The following TCEAL4 variants were observed in gnomAD, a reference collection of about 807,000 sequenced individuals.
The protein encoded by TCEAL4 is transcription elongation factor A like 4, also known as transcription elongation factor A protein-like 4.
Under a neutral mutation model 1.3 loss-of-function variants are expected in TCEAL4, and 1 was observed. The ratio of observed to expected loss-of-function variants is 0.79; its 90% CI spans 0.28 to 3.76. TCEAL4 has a LOEUF of 3.76. Ranked by LOEUF, TCEAL4 falls within the 30% of genes most tolerant of loss-of-function variation. The pLI, the probability that TCEAL4 is intolerant of heterozygous loss-of-function variation, is 0.18. For missense variants in TCEAL4, 129 were observed against 154.7 expected (o/e 0.83, Z 0.88); for synonymous variants, 54 against 50.7 (o/e 1.06, Z -0.28).
chrX:103,585,971 GAA>G, intron 1 of TCEAL4: 1 of 1,077,553 alleles, frequency 9.3e-7, no homozygotes, highest in Non-Finnish European at 1.2e-6. Context: ...CGTGCGTAGA[GAA>G]AAACGTTGAC....
At chrX:103,586,464 T>C in intron 2 of TCEAL4, 173 bp downstream of exon 2, 1 of 826,226 alleles carries the variant, frequency 1.2e-6, no homozygotes, top group South Asian at 2.7e-5. Flanking sequence ...AATGGCTGGC[T>C]CACGTGTGTG....
At chrX:103,576,433 GTTC>G in exon 1 of TCEAL4, 2 of 1,165,697 alleles carry the variant, frequency 1.7e-6, no homozygotes, top group Non-Finnish European at 2.3e-6. Context: ...CAGCTGCTAG[GTTC>G]TTATTTTGGG....
chrX:103,576,699 G>T lies in TCEAL4; in HGVS notation c.63+167G>T, dbSNP rs776192853. On this transcript the variant is annotated intron_variant, in intron 1 of 4. Coordinates refer to the TCEAL4 transcript ENST00000372629. The stretch of plus-strand genomic sequence containing the variant: ...GAATCGTTTGAACCCAGGAGGTGGA[G>T]GTTGCAGTGAGCTGATATTGCACCA... Among the ~76,000 whole-genome samples the T allele has an allele frequency of 2.7e-5, 3 of 112,424 alleles. No individual in the cohort carries two copies. In the South Asian group the frequency reaches 1.1e-3, roughly 41 times the overall value.
At chrX:103,583,452 G>T (rs987640605), upstream of TCEAL4, among the ~76,000 whole-genome samples, 17 of 112,065 alleles carry the variant, frequency 1.5e-4, no homozygotes, top group Non-Finnish European at 2.8e-4. Context: ...GCAAAGATAT[G>T]GAATCAACTG....
At chrX:103,576,661 G>A (rs888439375) in intron 1 of TCEAL4, 1 of 444,613 alleles carries the variant, frequency 2.2e-6, no homozygotes. Context: ...CTACTCAGGA[G>A]GCTGAAGCAG....
At chrX:103,585,688 G>A (rs564312706) in intron 1 of TCEAL4, 64 bp downstream of exon 1, 1 of 1,165,234 alleles carries the variant, frequency 8.6e-7, no homozygotes, top group South Asian at 1.9e-5. Context: ...GAACGGGTAC[G>A]GCAGGGGGAA....
At chrX:103,585,217 T>G (rs1263625178), upstream of TCEAL4, among the ~76,000 whole-genome samples, 1 of 111,738 alleles carries the variant, frequency 8.9e-6, no homozygotes, top group Non-Finnish European at 1.9e-5. Flanking sequence ...CTATTCTTTA[T>G]ACAGTACTTA....
intron 1 of TCEAL4, chrX:103,585,961 C>A (rs1240316259): frequency 9.3e-7 from 1 of 1,074,521 alleles, no homozygotes; most frequent in East Asian, 3.4e-5. Context: ...CTGCCGTTCC[C>A]GTGCGTAGAG....
intron 1 of TCEAL4, 33 bp from the exon 2 acceptor site, chrX:103,586,186 C>G (rs755231700): frequency 1.7e-6 from 2 of 1,162,923 alleles, no homozygotes; most frequent in East Asian, 3.3e-5. Context: ...GCTGAGCGCG[C>G]AGACCCTGCC....
At position 103,579,640 on chromosome X, in the gene TCEAL4, A is replaced by T. The variant is rs221945; in HGVS notation, c.183+2427A>T. Among the ~76,000 whole-genome samples the T allele has an allele frequency of 4.9e-3, 544 of 111,570 alleles. 5 individuals carry two copies. Among genetic ancestry groups the T allele is most frequent in the African/African-American group, 0.017 (518 of 30,785 alleles). On this transcript the variant is annotated intron_variant, in intron 2 of 4. Coordinates refer to the TCEAL4 transcript ENST00000372629. ...ATCATATATTCAGCCACATTGCTGAACTCATTTGTTAGTTCCTACAGTTCT... is the reference window on the plus strand; with the variant it reads ...ATCATATATTCAGCCACATTGCTGATCTCATTTGTTAGTTCCTACAGTTCT...
chrX:103,584,348 T>G (rs1043983308), upstream of TCEAL4, among the ~76,000 whole-genome samples: 1 of 112,039 alleles, frequency 8.9e-6, no homozygotes, highest in African/African-American at 3.2e-5. Flanking sequence ...GTTAAAAATT[T>G]TCATGTAATC....
chrX:103,585,839 T>A (rs2073538960), intron 1 of TCEAL4: 3 of 1,047,777 alleles, frequency 2.9e-6, no homozygotes, highest in Non-Finnish European at 3.8e-6. Context: ...CACCCCCAAG[T>A]ATCCATGCTC....
chrX:103,576,424 A>G (rs1319301887), exon 1 of TCEAL4: 8 of 1,165,454 alleles, frequency 6.9e-6, no homozygotes, highest in Non-Finnish European at 9.2e-6. Context: ...AGAAGAGTTC[A>G]GCTGCTAGGT....
Position 103,586,976 on chromosome X carries a change from G to C in TCEAL4, c.301G>C (p.Glu101Gln), listed in dbSNP as rs200167143. 3 of 1,208,895 alleles carry C rather than the reference G, an allele frequency of 2.5e-6. No homozygotes were observed. In the East Asian group the frequency reaches 8.9e-5, roughly 36 times the overall value. ...EGKPEIEGKP[E>Q]SEGEPGSETR... ...AAAACCAGAGATAGAGGGAAAGCCA[G>C]AGAGTGAAGGAGAGCCAGGGAGTGA... The change falls in exon 3 of 3, where the codon GAG becomes CAG. Residue 101 changes from glutamate to glutamine, a missense_variant. Transcript: ENST00000472484.
rs761059818 is a variant in TCEAL4 at position 103,587,202 on chromosome X, T to TG, written c.532dup (p.Ala178GlyfsTer16). On this transcript the variant is annotated frameshift_variant, in exon 3 of 3. Coordinates refer to ENST00000472484, the MANE Select transcript of TCEAL4 (RefSeq NM_001006935.3). LOFTEE classifies it low-confidence loss of function (END_TRUNC). ...GAGAAGAGAAAAAGCAAACAGAAAT[T>TG]GGGGGCGTTTTTGTGGATGCAAAGA... 1 of 1,210,611 alleles carries TG rather than the reference T, an allele frequency of 8.3e-7. No individual in the cohort carries two copies.
At chrX:103,578,203 C>G (rs2073492733) in intron 2 of TCEAL4, among the ~76,000 whole-genome samples, 1 of 112,007 alleles carries the variant, frequency 8.9e-6, no homozygotes, top group African/African-American at 3.2e-5. Context: ...AAATAATATT[C>G]CATTGTACAG....
At position 103,586,579 on chromosome X, in the gene TCEAL4, A is replaced by G. The variant is rs2073551152; in HGVS notation, c.-27-70A>G. On this transcript the variant is annotated intron_variant, in intron 2 of 2. Coordinates refer to ENST00000472484, the MANE Select transcript of TCEAL4 (RefSeq NM_001006935.3). Reference sequence around the variant, plus strand: ...AGATGCAAGTACTATCCAGACCTGCATTCCACCCCATGCACTCAGTCTCCC... The same window carrying G: ...AGATGCAAGTACTATCCAGACCTGCGTTCCACCCCATGCACTCAGTCTCCC... The G allele has an allele frequency of 5.3e-6, 6 of 1,125,888 alleles. No homozygotes were observed. In the Admixed American group the frequency reaches 1.3e-4, roughly 25 times the overall value. The allele number at this position is 1,125,888 out of a possible 1,213,427, so 92.8% of individuals were successfully genotyped here.
chrX:103,580,306 TAAG>T (rs1277907863), intron 2 of TCEAL4, among the ~76,000 whole-genome samples: 1 of 112,464 alleles, frequency 8.9e-6, no homozygotes, highest in Non-Finnish European at 1.9e-5. Context: ...ACGGGTATAC[TAAG>T]AAGATTATGT....
At chrX:103,586,340 A>T (rs1208367920) in intron 2 of TCEAL4, 49 bp downstream of exon 2, 5 of 1,152,728 alleles carry the variant, frequency 4.3e-6, no homozygotes. Context: ...AAGGGTTGAG[A>T]GTGTGGAGGG....
Sources: allele counts gnomAD v4.1 joint callset (sites outside exome capture counted in the v4.1 genomes callset), GRCh38; gene constraint gnomAD v4.1.1; transcripts MANE v1.5; gene names NCBI Gene and HGNC (gene_info 2026-07-23, HGNC 2026-07-21).